The following IMMP2L variants were observed in gnomAD, a reference collection of about 807,000 sequenced individuals.
IMMP2L encodes the protein mitochondrial inner membrane protease subunit 2.
IMMP2L carries 18 observed loss-of-function variants against 19.3 expected under a neutral mutation model. The observed-to-expected ratio is 0.93, with a 90% CI of 0.64 to 1.38. IMMP2L has a LOEUF of 1.38. IMMP2L is among the 40% of genes most tolerant of loss of function. IMMP2L has a pLI of 0.00. For synonymous variants in IMMP2L, 76 were observed against 73.0 expected (o/e 1.04, Z -0.21); for missense variants, 233 against 218.2 (o/e 1.07, Z -0.43).
At chr7:110,666,756 C>T (rs1363972081) in intron 5 of IMMP2L, among the ~76,000 whole-genome samples, 2 of 152,208 alleles carry the variant, frequency 1.3e-5, no homozygotes, top group African/African-American at 4.8e-5. Flanking sequence ...ACAACATTAA[C>T]ACATTTATTC....
At chr7:111,275,207 A>T (rs1818890653) in intron 3 of IMMP2L, among the ~76,000 whole-genome samples, 1 of 152,148 alleles carries the variant, frequency 6.6e-6, no homozygotes, top group South Asian at 2.1e-4. Flanking sequence ...ATGAGACCAC[A>T]TTGCCCACTC....
intron 1 of IMMP2L, among the ~76,000 whole-genome samples, chr7:111,541,878 G>A (rs1444683811): frequency 6.6e-6 from 1 of 151,966 alleles, no homozygotes. Context: ...TGTTATCCAA[G>A]TAATTAAAAA....
intron 5 of IMMP2L, among the ~76,000 whole-genome samples, chr7:110,679,339 T>C (rs1318794580): frequency 2.0e-5 from 3 of 152,154 alleles, no homozygotes; most frequent in Non-Finnish European, 4.4e-5. Context: ...TTTGGATAGT[T>C]AACAGCTCAC....
At chr7:111,176,057 G>A (rs1807025600) in intron 3 of IMMP2L, among the ~76,000 whole-genome samples, 1 of 151,792 alleles carries the variant, frequency 6.6e-6, no homozygotes, top group Non-Finnish European at 1.5e-5. Context: ...AATGCAAAGC[G>A]AAACTACAAT....
intron 4 of IMMP2L, among the ~76,000 whole-genome samples, chr7:110,949,237 G>C: frequency 6.6e-6 from 1 of 152,054 alleles, no homozygotes; most frequent in East Asian, 1.9e-4. Context: ...TTGTCTCTCT[G>C]AAGAACTCTA....
intron 5 of IMMP2L, among the ~76,000 whole-genome samples, chr7:110,780,079 T>C (rs1562970596): frequency 6.6e-6 from 1 of 151,810 alleles, no homozygotes. Context: ...TTTAAAATCA[T>C]CTTTGACACA....
chr7:111,146,056 T>A (rs536985128), intron 3 of IMMP2L, among the ~76,000 whole-genome samples: 1 of 152,164 alleles, frequency 6.6e-6, no homozygotes, highest in African/African-American at 2.4e-5. Flanking sequence ...AAAAATGAAT[T>A]CAGAGGAATA....
intron 5 of IMMP2L, among the ~76,000 whole-genome samples, chr7:110,863,773 TTGAA>T (rs1043654036): frequency 1.3e-5 from 2 of 152,144 alleles, no homozygotes; most frequent in African/African-American, 4.8e-5. Flanking sequence ...GTTAGGTATT[TTGAA>T]TGTATTTCAA....
intron 3 of IMMP2L, among the ~76,000 whole-genome samples, chr7:110,988,941 T>G (rs2129559240): frequency 6.6e-6 from 1 of 152,170 alleles, no homozygotes; most frequent in Non-Finnish European, 1.5e-5. Flanking sequence ...AAGATAGACA[T>G]TAATATGTTC....
At chr7:111,499,529 T>G (rs1239494762) in intron 2 of IMMP2L, among the ~76,000 whole-genome samples, 1 of 152,052 alleles carries the variant, frequency 6.6e-6, no homozygotes. Flanking sequence ...AATCAGAGAC[T>G]TATGAAGTGA....
chr7:110,703,035 T>A (rs1380085533), intron 5 of IMMP2L, among the ~76,000 whole-genome samples: 2 of 152,178 alleles, frequency 1.3e-5, no homozygotes, highest in African/African-American at 4.8e-5. Flanking sequence ...TCCTTTATAA[T>A]TTATGAAAGC....
intron 3 of IMMP2L, among the ~76,000 whole-genome samples, chr7:111,073,467 G>GT (rs1239844809): frequency 6.6e-6 from 1 of 152,156 alleles, no homozygotes; most frequent in South Asian, 2.1e-4. Context: ...CCCTGAGATA[G>GT]TTTTTTTCAT....
intron 3 of IMMP2L, among the ~76,000 whole-genome samples, chr7:111,120,187 T>C (rs1800418686): frequency 6.6e-6 from 1 of 152,118 alleles, no homozygotes; most frequent in African/African-American, 2.4e-5. Flanking sequence ...AATATCTAGG[T>C]CTTTGTGTTA....
At chr7:110,779,640 T>A (rs1339167239) in intron 5 of IMMP2L, among the ~76,000 whole-genome samples, 1 of 151,932 alleles carries the variant, frequency 6.6e-6, no homozygotes, top group African/African-American at 2.4e-5. Context: ...GCTTATCTAG[T>A]ACTTCCCAAC....
chr7:111,514,959 CTT>C (rs1845756740), intron 2 of IMMP2L, among the ~76,000 whole-genome samples: 1 of 152,016 alleles, frequency 6.6e-6, no homozygotes, highest in Non-Finnish European at 1.5e-5. Context: ...TAGATAATCT[CTT>C]GTTGCTTTCT....
At chr7:111,108,148 A>G (rs1463631997) in intron 3 of IMMP2L, among the ~76,000 whole-genome samples, 1 of 148,522 alleles carries the variant, frequency 6.7e-6, no homozygotes, top group African/African-American at 2.6e-5. Context: ...GGAGACAAAA[A>G]CCTCACAGAT....
At chr7:110,888,853 T>C (rs1006233003) in intron 4 of IMMP2L, among the ~76,000 whole-genome samples, 3 of 152,188 alleles carry the variant, frequency 2.0e-5, no homozygotes, top group African/African-American at 4.8e-5. Flanking sequence ...AACTTTGCCT[T>C]ATTTGTTCAT....
chr7:111,166,376 A>T (rs1805815763), intron 3 of IMMP2L, among the ~76,000 whole-genome samples: 1 of 152,026 alleles, frequency 6.6e-6, no homozygotes, highest in Non-Finnish European at 1.5e-5. Flanking sequence ...GGCCTGCTTG[A>T]AAGTAAACTT....
At chr7:111,153,913 G>A (rs942000221) in intron 3 of IMMP2L, among the ~76,000 whole-genome samples, 2 of 152,018 alleles carry the variant, frequency 1.3e-5, no homozygotes, top group Admixed American at 6.6e-5. Flanking sequence ...GTTAGATGAA[G>A]CAGAAACAAA....
Sources: allele counts gnomAD v4.1 joint callset (sites outside exome capture counted in the v4.1 genomes callset), GRCh38; gene constraint gnomAD v4.1.1; transcripts MANE v1.5; gene names NCBI Gene and HGNC (gene_info 2026-07-23, HGNC 2026-07-21).